Variants in PARD3B observed in about 807,000 individuals in gnomAD.
PARD3B encodes the protein par-3 family cell polarity regulator beta, also known as partitioning defective 3 homolog B.
In PARD3B, 103 loss-of-function variants were observed where a neutral mutation model predicts 130.2. The observed-to-expected ratio is 0.79, with a 90% CI of 0.67 to 0.93. The LOEUF is 0.93. PARD3B is among the 40% of genes least tolerant of loss of function. PARD3B has a pLI of 0.00. For synonymous variants in PARD3B, 583 were observed against 553.2 expected (o/e 1.05, Z -0.76); for missense variants, 1,609 against 1,499.2 (o/e 1.07, Z -1.21).
chr2:204,669,836 A>C lies in PARD3B; in HGVS notation c.121-16345A>C, dbSNP rs1201839386. On this transcript the variant is annotated intron_variant, in intron 1 of 22. Transcript: ENST00000406610. The surrounding 1 kb of genome is among the most constrained non-coding windows in gnomAD (Gnocchi z 4.3). ...AGTCCTCTTTTACTCCGAGGAATGA[A>C]GAGATGCTGTTTTAGATGACAGAAT... Among the ~76,000 whole-genome samples the C allele has an allele frequency of 6.6e-6, 1 of 152,184 alleles. No individual in the cohort carries two copies. Among genetic ancestry groups the C allele is most frequent in the African/African-American group, 2.4e-5 (1 of 41,450 alleles).
chr2:205,123,465 T>C (rs1259783653), intron 8 of PARD3B, among the ~76,000 whole-genome samples: 1 of 152,030 alleles, frequency 6.6e-6, no homozygotes, highest in East Asian at 1.9e-4. Flanking sequence ...TTGGAAGATA[T>C]ACTTGGATCC....
intron 10 of PARD3B, among the ~76,000 whole-genome samples, chr2:205,130,969 A>G (rs1445500621): frequency 2.0e-5 from 3 of 152,300 alleles, no homozygotes; most frequent in South Asian, 2.1e-4. Context: ...CCCTGTGACT[A>G]CCTTAGCATG....
In PARD3B at chr2:205,452,087, G is replaced by A. The variant is rs114996699; in HGVS notation, c.3044+11415G>A. 3.4e-3 allele frequency among the ~76,000 whole-genome samples: 521 copies of A among 152,310 alleles called. 2 individuals are homozygous for A. Among genetic ancestry groups the A allele is most frequent in the African/African-American group, 0.011 (476 of 41,586 alleles). ...ATAAGGGCAATGAGGGATAGAAAAA[G>A]CATTAACAGGAAGCTTTGTAGCTGT... On this transcript the variant is annotated intron_variant, in intron 20 of 22. Transcript: ENST00000406610.
At chr2:204,569,504 G>A (rs926103590) in intron 1 of PARD3B, among the ~76,000 whole-genome samples, 6 of 152,224 alleles carry the variant, frequency 3.9e-5, no homozygotes, top group Non-Finnish European at 7.3e-5. Flanking sequence ...ATTGGGGAAT[G>A]TGACTGTGAA....
chr2:204,929,533 G>C (rs1687872976), intron 2 of PARD3B, among the ~76,000 whole-genome samples: 1 of 152,044 alleles, frequency 6.6e-6, no homozygotes, highest in Non-Finnish European at 1.5e-5. Flanking sequence ...ATTCTTCCAT[G>C]CTTAAATTTT....
At chr2:204,846,596 G>C (rs1050606093) in intron 2 of PARD3B, among the ~76,000 whole-genome samples, 2 of 151,042 alleles carry the variant, frequency 1.3e-5, no homozygotes, top group African/African-American at 4.9e-5. Flanking sequence ...CTTATAAGAA[G>C]AGTTATAAGA....
At chr2:205,441,343 G>C (rs1467810468) in intron 20 of PARD3B, among the ~76,000 whole-genome samples, 1 of 152,180 alleles carries the variant, frequency 6.6e-6, no homozygotes, top group Non-Finnish European at 1.5e-5. Flanking sequence ...AAAACAAGAT[G>C]ATTCCAACCC....
chr2:204,930,116 C>G (rs1687916377), intron 2 of PARD3B, among the ~76,000 whole-genome samples: 1 of 151,926 alleles, frequency 6.6e-6, no homozygotes, highest in East Asian at 1.9e-4. Context: ...TTCAATTCCT[C>G]TCTCTATGTA....
At chr2:204,568,506 AT>A (rs549839156) in intron 1 of PARD3B, among the ~76,000 whole-genome samples, 1 of 152,310 alleles carries the variant, frequency 6.6e-6, no homozygotes, top group Non-Finnish European at 1.5e-5. Flanking sequence ...CTTTAAAAAA[AT>A]TTTTTTAAGA....
chr2:204,815,251 A>G (rs1487896140), intron 2 of PARD3B, among the ~76,000 whole-genome samples: 1 of 151,966 alleles, frequency 6.6e-6, no homozygotes, highest in African/African-American at 2.4e-5. Context: ...ATGAATGAGC[A>G]TTGGTAGTTT....
At position 204,910,662 on chromosome 2, in the gene PARD3B, T is replaced by G. The variant is rs184906195; in HGVS notation, c.223-54490T>G. Among the ~76,000 whole-genome samples the G allele has an allele frequency of 3.2e-3, 494 of 152,318 alleles. 1 individual carries two copies. Among genetic ancestry groups the G allele is most frequent in the African/African-American group, 0.011 (463 of 41,578 alleles). On this transcript the variant is annotated intron_variant, in intron 2 of 22. Coordinates refer to ENST00000406610, the MANE Select transcript of PARD3B (RefSeq NM_001302769.2). ...GTTTGTTTGTTTTTTGTTTTGAGGA[T>G]GGAGTCTCCCTCTGTAGCCTAGGCT...
intron 1 of PARD3B, among the ~76,000 whole-genome samples, chr2:204,612,650 T>G (rs537929457): frequency 6.6e-6 from 1 of 152,302 alleles, no homozygotes; most frequent in South Asian, 2.1e-4. Context: ...TATTGATATT[T>G]TAAATATTTT....
chr2:205,420,564 T>C (rs2046934014), intron 19 of PARD3B, among the ~76,000 whole-genome samples: 1 of 152,154 alleles, frequency 6.6e-6, no homozygotes, highest in African/African-American at 2.4e-5. Flanking sequence ...TGAAAAAGGC[T>C]TTGCTTCAGT....
chr2:204,590,848 C>A (rs2033043558), intron 1 of PARD3B, among the ~76,000 whole-genome samples: 1 of 152,142 alleles, frequency 6.6e-6, no homozygotes, highest in Non-Finnish European at 1.5e-5. Context: ...GCTAAAAACC[C>A]TGAGTATGGA....
chr2:204,619,267 C>T (rs2034214314), intron 1 of PARD3B, among the ~76,000 whole-genome samples: 1 of 152,186 alleles, frequency 6.6e-6, no homozygotes, highest in South Asian at 2.1e-4. Context: ...CTGCTGAGCT[C>T]ATGTCTTCAA....
chr2:205,318,455 G>A (rs956319254), intron 18 of PARD3B, among the ~76,000 whole-genome samples: 73 of 152,222 alleles, frequency 4.8e-4, no homozygotes, highest in African/African-American at 1.7e-3. Context: ...GTGATATGAC[G>A]ACTATCGCAC....
intron 16 of PARD3B, among the ~76,000 whole-genome samples, chr2:205,267,600 C>T (rs915617314): frequency 4.6e-5 from 7 of 152,050 alleles, no homozygotes; most frequent in Non-Finnish European, 7.4e-5. Context: ...AGCTCAGAAG[C>T]AGAAATGTCA....
chr2:205,029,649 G>A (rs146854319), intron 3 of PARD3B, among the ~76,000 whole-genome samples: 2 of 152,282 alleles, frequency 1.3e-5, no homozygotes, highest in East Asian at 1.9e-4. Flanking sequence ...TAGTGGCATT[G>A]TGTTATGCAT....
chr2:205,233,570 A>G (rs1018408681), intron 15 of PARD3B, among the ~76,000 whole-genome samples: 7 of 152,154 alleles, frequency 4.6e-5, no homozygotes, highest in Non-Finnish European at 8.8e-5. Flanking sequence ...TATGACAATA[A>G]CAGCACAGAG....
Sources: gnomAD v4.1 joint callset for allele counts (sites outside exome capture counted in the v4.1 genomes callset) on GRCh38, gnomAD v4.1.1 for gene constraint, Gnocchi (gnomAD v3.1) non-coding constraint, MANE v1.5 for transcripts, NCBI Gene and HGNC (gene_info 2026-07-23, HGNC 2026-07-21) for gene names.